Variants in CYP3A4 observed in about 807,000 individuals in gnomAD.
The protein encoded by CYP3A4 is cytochrome P450 family 3 subfamily A member 4.
Under a neutral mutation model 54.9 loss-of-function variants are expected in CYP3A4, and 41 were observed. The observed-to-expected ratio is 0.75, with a 90% CI of 0.58 to 0.97. The LOEUF is 0.97. Among genes scored for constraint, CYP3A4 ranks in the 50% least tolerant of loss-of-function variants. CYP3A4 has a pLI of 0.00. For missense variants in CYP3A4, 510 were observed against 597.3 expected (o/e 0.85, Z 1.52); for synonymous variants, 179 against 205.2 (o/e 0.87, Z 1.09).
chr7:99,766,292 A>T (rs1226141971), intron 9 of CYP3A4, 85 bp downstream of exon 9: 2 of 1,502,000 alleles, frequency 1.3e-6, no homozygotes, highest in African/African-American at 2.8e-5. Context: ...AATTCTCATC[A>T]TCCTGGAATA....
At chr7:99,775,613 T>C (rs1162869298) in intron 3 of CYP3A4, among the ~76,000 whole-genome samples, 1 of 152,178 alleles carries the variant, frequency 6.6e-6, no homozygotes, top group Non-Finnish European at 1.5e-5. Context: ...ATTTAATAAA[T>C]GGTGTTGGTG....
intron 12 of CYP3A4, among the ~76,000 whole-genome samples, chr7:99,758,528 T>TAAA (rs1815239488): frequency 6.6e-6 from 1 of 152,222 alleles, no homozygotes; most frequent in East Asian, 1.9e-4. Context: ...TGGAGTACTA[T>TAAA]TCTGTGCCAG....
In CYP3A4 at chr7:99,762,122, C is replaced by A; in HGVS notation, c.1172G>T (p.Gly391Val). The A allele has an allele frequency of 6.2e-7, 1 of 1,613,990 alleles. No homozygotes were observed. Among genetic ancestry groups the A allele is most frequent in the Non-Finnish European group, 8.5e-7 (1 of 1,179,978 alleles). ...VEINGMFIPKGVVVMIPSYAL... is the reference protein window; with the variant it reads ...VEINGMFIPKVVVVMIPSYAL... The stretch of plus-strand genomic sequence containing the variant: ...ATAGCTTGGAATCATCACCACCACC[C>A]CTTTGGGAATGAACATCCCATTGAT... The change falls in exon 11 of 13, where the codon GGG (glycine) becomes GTG (valine). Residue 391 changes from glycine to valine, a missense_variant. Gly to Val is a moderately radical substitution (Grantham distance 109). Coordinates refer to ENST00000651514, the MANE Select transcript of CYP3A4 (RefSeq NM_017460.6).
chr7:99,765,426 T>C (rs1252526026), intron 9 of CYP3A4, among the ~76,000 whole-genome samples: 1 of 152,016 alleles, frequency 6.6e-6, no homozygotes, highest in Non-Finnish European at 1.5e-5. Context: ...AATATATAAG[T>C]AGATAGATGA....
At chr7:99,765,236 T>G (rs1043229327) in intron 9 of CYP3A4, among the ~76,000 whole-genome samples, 1 of 152,212 alleles carries the variant, frequency 6.6e-6, no homozygotes, top group Non-Finnish European at 1.5e-5. Flanking sequence ...TCAAATTTTA[T>G]TAAATTAAAC....
At position 99,758,472 on chromosome 7, in the gene CYP3A4, T is replaced by C. The variant is rs551995950; in HGVS notation, c.1417-244A>G. ...ACTTAGTCTATAAGATGTGTGAAGA[T>C]TGGACAGTGAGAGCATTCATCATCT... On this transcript the variant is annotated intron_variant, in intron 12 of 12. Transcript: ENST00000651514. Among the ~76,000 whole-genome samples, 14 of 152,328 alleles carry C rather than the reference T, an allele frequency of 9.2e-5. No individual in the cohort carries two copies. The South Asian group carries it at 2.9e-3, about 32-fold the overall frequency.
At chr7:99,766,730 T>C (rs1815485365) in intron 8 of CYP3A4, 1 of 454,778 alleles carries the variant, frequency 2.2e-6, no homozygotes, top group African/African-American at 2.0e-5. Flanking sequence ...ATGTGTAAAA[T>C]AACAGGTTTG....
rs1285769624 is a variant in CYP3A4, at chr7:99,784,095, A to C, written c.-14T>G. 4 of 1,611,204 alleles carry C rather than the reference A, an allele frequency of 2.5e-6. No homozygotes were observed. Among genetic ancestry groups the C allele is most frequent in the South Asian group, 1.1e-5 (1 of 91,016 alleles). On this transcript the variant is annotated 5_prime_UTR_variant, in exon 1 of 13. Coordinates refer to ENST00000651514, the MANE Select transcript of CYP3A4 (RefSeq NM_017460.6). ...GATGAGAGCCATCACTACTTTCCTT[A>C]CTTATCTCTCTCCTCTGAGTCTTCC...
intron 9 of CYP3A4, among the ~76,000 whole-genome samples, chr7:99,766,072 T>G (rs1427963695): frequency 6.6e-6 from 1 of 152,134 alleles, no homozygotes; most frequent in Non-Finnish European, 1.5e-5. Context: ...GCAGAAATTT[T>G]TATTCAGTGG....
At chr7:99,774,686 G>A (rs1212814866) in intron 3 of CYP3A4, among the ~76,000 whole-genome samples, 5 of 152,014 alleles carry the variant, frequency 3.3e-5, no homozygotes, top group African/African-American at 7.2e-5. Context: ...TCAATGGAAC[G>A]TATCTCAAAA....
In CYP3A4 at chr7:99,772,664, G is replaced by C. The variant is rs758665522; in HGVS notation, c.244C>G (p.Leu82Val). ...WGFYDGQQPVLAITDPDMIKT... is the reference protein window; with the variant it reads ...WGFYDGQQPVVAITDPDMIKT... Reference sequence around the variant, plus strand: ...ATCATGTCAGGATCTGTGATAGCCAGCACAGGCTGTTGACCATCATAAAAG... The same window carrying C: ...ATCATGTCAGGATCTGTGATAGCCACCACAGGCTGTTGACCATCATAAAAG... Residue 82 changes from leucine (L) to valine (V), a missense_variant, in exon 4 of 13, where the codon CTG becomes GTG. Physicochemically the swap from Leu to Val is conservative, Grantham distance 32. Around this residue, in one of 2 missense-constraint regions of CYP3A4, gnomAD observed 272 missense variants for 274.9 expected, o/e 0.99. Coordinates refer to ENST00000651514, the MANE Select transcript of CYP3A4 (RefSeq NM_017460.6). The C allele has an allele frequency of 6.2e-7, 1 of 1,613,352 alleles. No individual in the cohort carries two copies. The highest frequency in any genetic ancestry group is 8.5e-7 in the Non-Finnish European group (1 of 1,179,444).
intron 4 of CYP3A4, among the ~76,000 whole-genome samples, 175 bp from the exon 5 acceptor site, chr7:99,770,410 G>T (rs1334453722): frequency 7.0e-6 from 1 of 143,814 alleles, no homozygotes; most frequent in Non-Finnish European, 1.5e-5. Flanking sequence ...CAGTGTCCTG[G>T]GATGTATTTG....
intron 6 of CYP3A4, 104 bp downstream of exon 6, chr7:99,769,664 T>G (rs1241368851): frequency 7.3e-7 from 1 of 1,377,234 alleles, no homozygotes; most frequent in Non-Finnish European, 1.0e-6. Context: ...GCCCTCCTTT[T>G]GTCTGGTCAC....
At chr7:99,761,952 A>C (rs1815343848) in intron 11 of CYP3A4, 89 bp downstream of exon 11, 1 of 1,126,088 alleles carries the variant, frequency 8.9e-7, no homozygotes, top group Admixed American at 2.0e-5. Flanking sequence ...TAATTATACA[A>C]CCACATGACT....
chr7:99,772,269 G>A (rs566838370), intron 4 of CYP3A4, among the ~76,000 whole-genome samples: 7 of 152,126 alleles, frequency 4.6e-5, no homozygotes, highest in East Asian at 3.9e-4. Flanking sequence ...TGGGTTCTGC[G>A]TTTTGATCAT....
intron 9 of CYP3A4, 136 bp downstream of exon 9, chr7:99,766,241 C>T: frequency 1.8e-6 from 2 of 1,098,480 alleles, no homozygotes; most frequent in Non-Finnish European, 2.6e-6. Context: ...CCAACTACCA[C>T]TTATAACATT....
intron 1 of CYP3A4, 102 bp from the exon 2 acceptor site, chr7:99,780,187 G>T (rs998366859): frequency 8.5e-7 from 1 of 1,171,526 alleles, no homozygotes; most frequent in Admixed American, 2.0e-5. Context: ...AGAGAACGAG[G>T]TAACATTAAG....
chr7:99,761,191 C>T (rs1815316625), intron 11 of CYP3A4, among the ~76,000 whole-genome samples: 1 of 152,154 alleles, frequency 6.6e-6, no homozygotes. Flanking sequence ...TAGGAGCTTT[C>T]AGTCTTGTTG....
intron 3 of CYP3A4, among the ~76,000 whole-genome samples, chr7:99,775,175 C>T (rs1420293325): frequency 1.3e-5 from 2 of 152,090 alleles, no homozygotes; most frequent in Admixed American, 1.3e-4. Context: ...CAAACCGCTG[C>T]TCAATGAAAT....
Sources: gnomAD v4.1 joint callset for allele counts (sites outside exome capture counted in the v4.1 genomes callset) on GRCh38, gnomAD v4.1.1 for gene constraint, gnomAD v4.1.1 regional missense constraint, MANE v1.5 for transcripts, NCBI Gene and HGNC (gene_info 2026-07-23, HGNC 2026-07-21) for gene names.